Variants in CYSLTR1 observed in about 807,000 individuals in gnomAD.
CYSLTR1 encodes the protein G-protein coupled receptor HG55.
A neutral mutation model predicts 2.1 loss-of-function variants in CYSLTR1; 1 was observed. The ratio of observed to expected loss-of-function variants is 0.48; its 90% CI spans 0.17 to 2.28. The LOEUF (loss-of-function observed/expected upper bound fraction) is 2.28, where lower values mean the gene tolerates loss of function less well. Among genes scored for constraint, CYSLTR1 ranks in the 30% most tolerant of loss-of-function variants. The pLI, the probability that CYSLTR1 is intolerant of heterozygous loss-of-function variation, is 0.26. For synonymous variants in CYSLTR1, 110 were observed against 89.6 expected, an observed-to-expected ratio of 1.23 and a Z score of -1.28; for missense variants, 299 against 250.1, an observed-to-expected ratio of 1.20 and a Z score of -1.32.
chrX:78,285,405 G>C (rs1158037071), intron 1 of CYSLTR1, among the ~76,000 whole-genome samples: 1 of 88,468 alleles, frequency 1.1e-5, no homozygotes, highest in African/African-American at 4.3e-5. Context: ...CTGGGCTACA[G>C]AGCGAGACTC....
intron 1 of CYSLTR1, among the ~76,000 whole-genome samples, chrX:78,293,664 G>C (rs775324482): frequency 1.8e-5 from 2 of 111,555 alleles, no homozygotes; most frequent in East Asian, 5.6e-4. Flanking sequence ...TTTCTTGGAG[G>C]CTTTATTCAT....
intron 1 of CYSLTR1, among the ~76,000 whole-genome samples, chrX:78,290,237 G>T (rs1048609165): frequency 2.7e-5 from 3 of 111,836 alleles, no homozygotes; most frequent in Non-Finnish European, 5.6e-5. Flanking sequence ...CCCATTTCTT[G>T]TTTTTGTCAG....
At chrX:78,312,519 C>A (rs1020088113) in intron 1 of CYSLTR1, among the ~76,000 whole-genome samples, 2 of 111,580 alleles carry the variant, frequency 1.8e-5, no homozygotes, top group Non-Finnish European at 3.8e-5. Context: ...AAAGAAATTA[C>A]CAACAAAGTA....
chrX:78,285,203 C>T (rs1258327066), intron 1 of CYSLTR1, among the ~76,000 whole-genome samples: 1 of 110,447 alleles, frequency 9.1e-6, no homozygotes, highest in African/African-American at 3.3e-5. Flanking sequence ...GAGGCCGAGG[C>T]GGGCGGATCA....
intron 2 of CYSLTR1, among the ~76,000 whole-genome samples, chrX:78,277,375 C>T (rs1921636530): frequency 9.0e-6 from 1 of 111,727 alleles, no homozygotes; most frequent in African/African-American, 3.3e-5. Flanking sequence ...GATGACCCTG[C>T]ATAACAGTCG....
chrX:78,303,480 A>C (rs1922906066), intron 1 of CYSLTR1, among the ~76,000 whole-genome samples: 1 of 109,665 alleles, frequency 9.1e-6, no homozygotes, highest in African/African-American at 3.3e-5. Flanking sequence ...GGGCGCAATC[A>C]GTGGAGCCTT....
At chrX:78,276,877 G>C (rs1284000348) in intron 2 of CYSLTR1, among the ~76,000 whole-genome samples, 1 of 110,646 alleles carries the variant, frequency 9.0e-6, no homozygotes, top group Non-Finnish European at 1.9e-5. Context: ...GCTGCACAGG[G>C]GTACCAAGTA....
At chrX:78,325,574 A>G (rs1256784577) in intron 1 of CYSLTR1, among the ~76,000 whole-genome samples, 2 of 112,131 alleles carry the variant, frequency 1.8e-5, no homozygotes, top group Non-Finnish European at 3.8e-5. Context: ...TACATGTCAA[A>G]ACAAGGGTGA....
chrX:78,274,136 C>T lies in CYSLTR1; in HGVS notation c.-27-363G>A, dbSNP rs1311521777. 7.2e-5 allele frequency among the ~76,000 whole-genome samples: 8 copies of T among 111,441 alleles called. No individual in the cohort carries two copies. In the Admixed American group the frequency reaches 7.7e-4, roughly 11 times the overall value. On this transcript the variant is annotated intron_variant, in intron 2 of 2. Transcript: ENST00000373304. The stretch of plus-strand genomic sequence containing the variant: ...TCTATTAGAGAAAAGCTTTAAGAAG[C>T]AGTTTCACATGTATGAATATATCTA...
At chrX:78,314,949 G>A (rs185566009) in intron 1 of CYSLTR1, among the ~76,000 whole-genome samples, 6 of 107,531 alleles carry the variant, frequency 5.6e-5, no homozygotes, top group Non-Finnish European at 7.7e-5. Flanking sequence ...CCAAGAGAGC[G>A]CTTATATCAT....
chrX:78,273,111 G>T lies in CYSLTR1; in HGVS notation c.636C>A (p.Ile212=), dbSNP rs770115123. 5 of 1,208,504 alleles carry T rather than the reference G, an allele frequency of 4.1e-6. No homozygotes were observed. The East Asian group carries it at 1.2e-4, about 29-fold the overall frequency. Residue 212 remains isoleucine, a synonymous_variant, in exon 3 of 3, where the codon ATC becomes ATA. Transcript: ENST00000373304. ...FVIIIVCYTM[I]ILTLLKKSMK... The stretch of plus-strand genomic sequence containing the variant: ...TTGATTTTTTTAGTAAGGTCAAAAT[G>T]ATCATTGTGTAACAGACAATTATAA...
At chrX:78,315,727 A>T (rs1005937862) in intron 1 of CYSLTR1, among the ~76,000 whole-genome samples, 2 of 112,014 alleles carry the variant, frequency 1.8e-5, no homozygotes, top group Non-Finnish European at 1.9e-5. Context: ...TTGAGTGCCA[A>T]CTCAGGTGCA....
chrX:78,317,570 G>A (rs940042417), intron 1 of CYSLTR1, among the ~76,000 whole-genome samples: 1 of 112,014 alleles, frequency 8.9e-6, no homozygotes, highest in Non-Finnish European at 1.9e-5. Context: ...CAAAAATATG[G>A]AACCAGCCTA....
At chrX:78,289,532 C>T (rs190944236) in intron 1 of CYSLTR1, among the ~76,000 whole-genome samples, 200 of 111,970 alleles carry the variant, frequency 1.8e-3, no homozygotes, top group African/African-American at 6.3e-3. Flanking sequence ...CTTGAGAAAT[C>T]GCCACACTGT....
At chrX:78,276,105 T>G (rs1029464859) in intron 2 of CYSLTR1, among the ~76,000 whole-genome samples, 1 of 112,209 alleles carries the variant, frequency 8.9e-6, no homozygotes, top group Admixed American at 9.5e-5. Flanking sequence ...CTAGACTTCC[T>G]AGACTTTACT....
At chrX:78,307,010 G>A (rs1030080955) in intron 1 of CYSLTR1, among the ~76,000 whole-genome samples, 1 of 111,897 alleles carries the variant, frequency 8.9e-6, no homozygotes, top group Admixed American at 9.4e-5. Context: ...AACTTTTAAC[G>A]TGACTTTTCA....
Position 78,327,317 on chromosome X carries a change from A to G in CYSLTR1, c.-127T>C, listed in dbSNP as rs1382520397. 1 of 111,971 alleles carries G rather than the reference A, an allele frequency of 8.9e-6. No individual in the cohort carries two copies. The highest frequency in any genetic ancestry group is 1.9e-5 in the Non-Finnish European group (1 of 53,199). The allele number at this position is 111,971 out of a possible 1,213,427, so 9.2% of individuals were successfully genotyped here. On this transcript the variant is annotated 5_prime_UTR_variant, in exon 1 of 3. Coordinates refer to ENST00000373304, the MANE Select transcript of CYSLTR1 (RefSeq NM_006639.4). Reference sequence around the variant, plus strand: ...TGAGTCTCCTTACCTGCTAACTTCAAGGTCCACAGTTTACTGTCCTTTTGC... The same window carrying G: ...TGAGTCTCCTTACCTGCTAACTTCAGGGTCCACAGTTTACTGTCCTTTTGC...
chrX:78,290,153 G>T (rs1355121190), intron 1 of CYSLTR1, among the ~76,000 whole-genome samples: 1 of 111,911 alleles, frequency 8.9e-6, no homozygotes, highest in Admixed American at 9.5e-5. Context: ...GTATAAGGAA[G>T]GGATCCAGTT....
intron 2 of CYSLTR1, among the ~76,000 whole-genome samples, chrX:78,277,431 G>A (rs1921638705): frequency 8.9e-6 from 1 of 111,803 alleles, no homozygotes; most frequent in Non-Finnish European, 1.9e-5. Context: ...GTTGCCTGCA[G>A]CCTCTCCCCA....
Sources: gnomAD v4.1 joint callset for allele counts (sites outside exome capture counted in the v4.1 genomes callset) on GRCh38, gnomAD v4.1.1 for gene constraint, MANE v1.5 for transcripts, NCBI Gene and HGNC (gene_info 2026-07-23, HGNC 2026-07-21) for gene names.